Variants in HDGFL2 observed in about 807,000 individuals in gnomAD.
HDGFL2 encodes hepatoma-derived growth factor-related protein 2.
A neutral mutation model predicts 77.1 loss-of-function variants in HDGFL2; 36 were observed. The ratio of observed to expected loss-of-function variants is 0.47; its 90% CI spans 0.36 to 0.62. The LOEUF (loss-of-function observed/expected upper bound fraction) is 0.62, where lower values mean the gene tolerates loss of function less well. HDGFL2 is among the 20% of genes least tolerant of loss of function. The probability of loss-of-function intolerance (pLI) is 0.00; values close to 1 mark genes in which losing one functional copy is unlikely to be tolerated. For synonymous variants in HDGFL2, 463 were observed against 413.1 expected, an observed-to-expected ratio of 1.12 and a Z score of -1.46; for missense variants, 976 against 973.4, an observed-to-expected ratio of 1.00 and a Z score of -0.04.
intron 3 of HDGFL2, among the ~76,000 whole-genome samples, chr19:4,486,140 C>T (rs10406730): frequency 0.081 from 12,307 of 151,600 alleles, 569 homozygotes; most frequent in African/African-American, 0.13. Flanking sequence ...AAAGAAGTGA[C>T]GGGCAATCAC....
intron 13 of HDGFL2, 120 bp downstream of exon 13, chr19:4,499,035 C>T (rs1329409281): frequency 4.1e-5 from 28 of 676,118 alleles, no homozygotes; most frequent in South Asian, 1.1e-4. Context: ...GCGAGGAGGC[C>T]GTGGGCTGCT....
chr19:4,489,105 C>T (rs1335793412), intron 4 of HDGFL2, among the ~76,000 whole-genome samples: 1 of 151,290 alleles, frequency 6.6e-6, no homozygotes, highest in East Asian at 1.9e-4. Flanking sequence ...AGGCACCTGC[C>T]ACCGCACTTG....
chr19:4,480,900 A>G (rs1975195537), intron 3 of HDGFL2, among the ~76,000 whole-genome samples: 1 of 150,506 alleles, frequency 6.6e-6, no homozygotes, highest in South Asian at 2.2e-4. Flanking sequence ...TCTGTTGCCC[A>G]GGCTGGAGTG....
chr19:4,483,866 T>C (rs1010019410), intron 3 of HDGFL2, among the ~76,000 whole-genome samples: 1 of 149,236 alleles, frequency 6.7e-6, no homozygotes, highest in African/African-American at 2.5e-5. Flanking sequence ...CTGGGCTCAC[T>C]GCAACCTCTG....
chr19:4,502,123 G>T lies in HDGFL2; in HGVS notation c.*113G>T. 2 of 793,422 alleles carry T rather than the reference G, an allele frequency of 2.5e-6. No individual in the cohort carries two copies. Among genetic ancestry groups the T allele is most frequent in the Non-Finnish European group, 4.2e-6 (2 of 471,860 alleles). The allele number at this position is 793,422 out of a possible 1,614,324, so 49.1% of individuals were successfully genotyped here. Reference sequence around the variant, plus strand: ...GGGGAACGCTGTGCTGTTTGTATTTGTTCCCTTGGGTTTTTTTTTCCTGCC... The same window carrying T: ...GGGGAACGCTGTGCTGTTTGTATTTTTTCCCTTGGGTTTTTTTTTCCTGCC... On this transcript the variant is annotated 3_prime_UTR_variant, in exon 16 of 16. Transcript: ENST00000616600.
chr19:4,476,448 C>G (rs969657776), intron 3 of HDGFL2, among the ~76,000 whole-genome samples: 1 of 151,986 alleles, frequency 6.6e-6, no homozygotes, highest in Admixed American at 6.6e-5. Context: ...CCGCCTCGGC[C>G]TCCCAAAGTG....
intron 4 of HDGFL2, 76 bp downstream of exon 4, chr19:4,488,952 CTTTTT>C (rs34663282): frequency 2.8e-3 from 1,956 of 700,206 alleles, no homozygotes; most frequent in East Asian, 3.1e-3. Context: ...CTCTCCTGCC[CTTTTT>C]TTTTTTTTTT....
Position 4,491,577 on chromosome 19 carries a change from G to A in HDGFL2, c.501G>A (p.Ser167=), listed in dbSNP as rs779875284. The change falls in exon 5 of 16, where the codon TCG becomes TCA. Residue 167 remains serine (S), a synonymous_variant. Coordinates refer to ENST00000616600, the MANE Select transcript of HDGFL2 (RefSeq NM_001001520.3). ...CGTTCCCCTTCCAGATGTCGGTCTC[G>A]AAACGAGCCCGAAAGGCCTCCAGCG... is the stretch of plus-strand genomic sequence containing the variant. ...RKTPALKMSV[S]KRARKASSDL... 20 of 1,613,578 alleles carry A rather than the reference G, an allele frequency of 1.2e-5. No individual in the cohort carries two copies. Among genetic ancestry groups the A allele is most frequent in the South Asian group, 5.5e-5 (5 of 91,078 alleles).
chr19:4,491,677 G>A lies in HDGFL2; in HGVS notation c.601G>A (p.Asp201Asn), dbSNP rs772652581. 19 of 1,613,908 alleles carry A rather than the reference G, an allele frequency of 1.2e-5. No homozygotes were observed. Among genetic ancestry groups the A allele is most frequent in the Non-Finnish European group, 1.5e-5 (18 of 1,179,990 alleles). ...ESSSESEKTS[D>N]QDFTPEKKAA... ...CTCATCTGAGTCGGAGAAGACCAGC[G>A]ACCAGGTGGGCCAGTGGCTCCTTGG... Residue 201 changes from aspartate (D) to asparagine (N), a missense_variant, in exon 5 of 16, where the codon GAC becomes AAC. Asp to Asn is a conservative substitution (Grantham distance 23, BLOSUM62 1). Coordinates refer to ENST00000616600, the MANE Select transcript of HDGFL2 (RefSeq NM_001001520.3).
intron 6 of HDGFL2, among the ~76,000 whole-genome samples, chr19:4,493,103 G>T: frequency 7.4e-6 from 1 of 135,024 alleles, no homozygotes; most frequent in Non-Finnish European, 1.6e-5. Context: ...TGTGGTGTGT[G>T]GTGTGTGTGT....
chr19:4,491,490 TG>T, intron 4 of HDGFL2, 75 bp from the exon 5 acceptor site: 1 of 1,271,480 alleles, frequency 7.9e-7, no homozygotes, highest in Non-Finnish European at 1.1e-6. Flanking sequence ...TCGTGGGTGG[TG>T]GGCAGTCAGC....
At chr19:4,479,141 C>T (rs374952655) in intron 3 of HDGFL2, among the ~76,000 whole-genome samples, 5 of 151,312 alleles carry the variant, frequency 3.3e-5, no homozygotes, top group African/African-American at 1.2e-4. Context: ...GCCTGTTCAA[C>T]ATGGCGAAAC....
chr19:4,496,923 G>C (rs1466061501), intron 10 of HDGFL2: 1 of 405,188 alleles, frequency 2.5e-6, no homozygotes, highest in East Asian at 7.2e-5. Flanking sequence ...GCACAGGCTG[G>C]AGTGCAATGG....
rs562122009 is a variant in HDGFL2 at position 4,496,891 on chromosome 19, G to A, written c.1328+486G>A. On this transcript the variant is annotated intron_variant, in intron 10 of 15. Coordinates refer to ENST00000616600, the MANE Select transcript of HDGFL2 (RefSeq NM_001001520.3). The stretch of plus-strand genomic sequence containing the variant: ...TCACTTTTTTTTTTTTTTTTGAGAT[G>A]GAGTCTTGTTCTTGCTCTTTTGCAC... The A allele has an allele frequency of 6.7e-5, 25 of 372,042 alleles. 1 individual carries two copies. The highest frequency in any genetic ancestry group is 4.7e-4 in the Admixed American group (14 of 30,054). The allele number at this position is 372,042 out of a possible 1,614,324, so 23.0% of individuals were successfully genotyped here.
chr19:4,498,875 T>A lies in HDGFL2; in HGVS notation c.1535T>A (p.Ile512Asn). The A allele has an allele frequency of 6.2e-7, 1 of 1,611,992 alleles. No individual in the cohort carries two copies. Among genetic ancestry groups the A allele is most frequent in the East Asian group, 2.2e-5 (1 of 44,802 alleles). The change falls in exon 13 of 16, where the codon ATC becomes AAC. Residue 512 changes from isoleucine (I) to asparagine (N), a missense_variant. Ile to Asn is a moderately radical substitution (Grantham distance 149). Around this residue, in one of 5 missense-constraint regions of HDGFL2, gnomAD observed 46 missense variants for 81.3 expected, o/e 0.57. Coordinates refer to ENST00000616600, the MANE Select transcript of HDGFL2 (RefSeq NM_001001520.3). ...ELGTLQVTSQ[I>N]LQKNTDVVAT... ...GGAACCCTGCAGGTGACCTCTCAGA[T>A]CCTCCAGAAGAACACAGACGTGGTG... is the stretch of plus-strand genomic sequence containing the variant.
At chr19:4,489,015 G>A (rs1599712615) in intron 4 of HDGFL2, 139 bp downstream of exon 4, 7 of 648,698 alleles carry the variant, frequency 1.1e-5, no homozygotes, top group African/African-American at 3.8e-5. Flanking sequence ...GTGCAGTGGC[G>A]TGATCTCGAC....
At position 4,498,378 on chromosome 19, in the gene HDGFL2, T is replaced by TA. The variant is rs1429401124; in HGVS notation, c.1473+4dup. ...TTTGCCCTAAAGGTCGACAGCCCGG[T>TA]AAGACCCTCAGGGCCTGTGAGCCAA... On this transcript the variant is annotated splice_region_variant and intron_variant, in intron 12 of 15. Coordinates refer to ENST00000616600, the MANE Select transcript of HDGFL2 (RefSeq NM_001001520.3). 1 of 1,611,676 alleles carries TA rather than the reference T, an allele frequency of 6.2e-7. No homozygotes were observed. Among genetic ancestry groups the TA allele is most frequent in the Admixed American group, 1.7e-5 (1 of 60,008 alleles).
chr19:4,484,666 A>ATTTTTTTTTTT lies in HDGFL2; in HGVS notation c.289-3997_289-3987dup, dbSNP rs71168907. 7.0e-4 allele frequency among the ~76,000 whole-genome samples: 52 copies of ATTTTTTTTTTT among 74,112 alleles called. 6 individuals carry two copies. The highest frequency in any genetic ancestry group is 1.7e-3 in the African/African-American group (30 of 17,492). 48.6% of individuals were successfully genotyped at this position (74,112 alleles called of 152,430 possible). ...AGGCACCCGCCATCACGCCTGGCTA[A>ATTTTTTTTTTT]TTTTTTTTTTTTTTTTTTTTTTTGA... On this transcript the variant is annotated intron_variant, in intron 3 of 15. Coordinates refer to ENST00000616600, the MANE Select transcript of HDGFL2 (RefSeq NM_001001520.3).
Position 4,498,247 on chromosome 19 carries a change from A to T in HDGFL2, c.1403-59A>T, listed in dbSNP as rs1439613891. ...AGAGGCTCTCAGGCTCCTGCCCTTG[A>T]ACAGCTGGCCCCCTGTGGCCCTGCC... On this transcript the variant is annotated intron_variant, in intron 11 of 15. Transcript: ENST00000616600. The T allele has an allele frequency of 4.1e-6, 6 of 1,478,008 alleles. No individual in the cohort carries two copies. The Admixed American group carries it at 1.0e-4, about 25-fold the overall frequency. 91.6% of individuals were successfully genotyped at this position (1,478,008 alleles called of 1,614,324 possible). A position where few individuals can be genotyped will look rare whatever the true frequency, so the allele number is the denominator to read the frequency against.
Sources: allele counts gnomAD v4.1 joint callset (sites outside exome capture counted in the v4.1 genomes callset), GRCh38; gene constraint gnomAD v4.1.1; regional missense constraint gnomAD v4.1.1; transcripts MANE v1.5; gene names NCBI Gene and HGNC (gene_info 2026-07-23, HGNC 2026-07-21).